The following CRADD variants were observed in gnomAD, a reference collection of about 807,000 sequenced individuals.
CRADD encodes the protein death domain-containing protein CRADD.
Under a neutral mutation model 15.5 loss-of-function variants are expected in CRADD, and 9 were observed. The observed-to-expected ratio is 0.58, with a 90% CI of 0.35 to 1.01. The LOEUF (loss-of-function observed/expected upper bound fraction) is 1.01. CRADD is among the 50% of genes least tolerant of loss of function. The pLI is 0.02. For missense variants in CRADD, 227 were observed against 250.3 expected, an observed-to-expected ratio of 0.91 and a Z score of 0.63; for synonymous variants, 118 against 107.6, an observed-to-expected ratio of 1.10 and a Z score of -0.60.
At chr12:93,787,781 C>T (rs564204417) in intron 2 of CRADD, among the ~76,000 whole-genome samples, 1 of 152,258 alleles carries the variant, frequency 6.6e-6, no homozygotes, top group East Asian at 1.9e-4. Flanking sequence ...GTAGTGTGGC[C>T]TATTGACCTC....
At chr12:93,685,028 A>G (rs1199384639) in intron 2 of CRADD, among the ~76,000 whole-genome samples, 21 of 152,218 alleles carry the variant, frequency 1.4e-4, no homozygotes, top group Non-Finnish European at 1.5e-5. Context: ...ATTAAGTAAT[A>G]TTGAATTACA....
At chr12:93,869,016 A>G (rs1958395544) in intron 2 of CRADD, among the ~76,000 whole-genome samples, 1 of 152,236 alleles carries the variant, frequency 6.6e-6, no homozygotes. Context: ...AGAAAACATC[A>G]GCTGGAAGGC....
At chr12:93,856,184 TATAGAA>T (rs1958273528) in intron 2 of CRADD, among the ~76,000 whole-genome samples, 1 of 152,214 alleles carries the variant, frequency 6.6e-6, no homozygotes, top group Non-Finnish European at 1.5e-5. Flanking sequence ...ATGTTTGTGG[TATAGAA>T]ATAGAAACTG....
At chr12:93,796,421 A>G (rs1034548357) in intron 2 of CRADD, among the ~76,000 whole-genome samples, 14 of 152,076 alleles carry the variant, frequency 9.2e-5, no homozygotes, top group African/African-American at 3.4e-4. Flanking sequence ...CCTGGGCAAC[A>G]TGGTGAAACC....
chr12:93,771,933 A>C lies in CRADD; in HGVS notation c.299-78037A>C, dbSNP rs73363119. Among the ~76,000 whole-genome samples the C allele has an allele frequency of 1.9e-3, 297 of 152,366 alleles. 1 individual carries two copies. The highest frequency in any genetic ancestry group is 6.1e-3 in the African/African-American group (255 of 41,588). ...GATCATATATGAAAAGCAATAGTGC[A>C]AACAGTGAAAGTTATACCATAGAAA... On this transcript the variant is annotated intron_variant, in intron 2 of 2. Transcript: ENST00000332896.
chr12:93,853,203 TG>T (rs1190211184), downstream of CRADD, among the ~76,000 whole-genome samples: 2 of 152,216 alleles, frequency 1.3e-5, no homozygotes, highest in Admixed American at 1.3e-4. Flanking sequence ...GTAATTAAAA[TG>T]ATGCATCTTT....
chr12:93,697,624 G>A (rs1362978150), intron 2 of CRADD, among the ~76,000 whole-genome samples: 1 of 152,142 alleles, frequency 6.6e-6, no homozygotes, highest in Non-Finnish European at 1.5e-5. Flanking sequence ...TTAAAAAAGA[G>A]ATAGCCAGTG....
chr12:93,847,233 A>C (rs1958135631), intron 2 of CRADD, among the ~76,000 whole-genome samples: 1 of 152,206 alleles, frequency 6.6e-6, no homozygotes, highest in Admixed American at 6.5e-5. Flanking sequence ...TGGATGACTA[A>C]GTTGGTATCA....
chr12:93,850,882 C>T (rs1047912460), downstream of CRADD: 2 of 328,100 alleles, frequency 6.1e-6, no homozygotes, highest in Non-Finnish European at 8.7e-6. This position sits in a 1 kb window ranked among gnomAD's most constrained non-coding sequence, Gnocchi z 4.0. Context: ...TGGTTACTTT[C>T]CCAAGTCAGG....
rs535762798 is a variant in CRADD at position 93,807,267 on chromosome 12, T to C, written c.299-42703T>C. Among the ~76,000 whole-genome samples, 11 of 152,236 alleles carry C rather than the reference T, an allele frequency of 7.2e-5. No individual in the cohort carries two copies. The South Asian group carries it at 2.3e-3, about 32-fold the overall frequency. On this transcript the variant is annotated intron_variant, in intron 2 of 2. Transcript: ENST00000332896. ...ATTTGAAGACTGCTGGAATAGATCATGGACTCAATAAATACCTTTTCATAG... is the reference window on the plus strand; with the variant it reads ...ATTTGAAGACTGCTGGAATAGATCACGGACTCAATAAATACCTTTTCATAG...
At chr12:93,860,383 A>G (rs10859604) in intron 2 of CRADD, among the ~76,000 whole-genome samples, 9,590 of 152,312 alleles carry the variant, frequency 0.063, 381 homozygotes, top group Middle Eastern at 0.14. Flanking sequence ...TAGCTTATAG[A>G]AATTCATTCA....
chr12:93,817,670 A>G (rs1472708466), intron 2 of CRADD, among the ~76,000 whole-genome samples: 2 of 148,294 alleles, frequency 1.3e-5, no homozygotes, highest in Non-Finnish European at 3.0e-5. Flanking sequence ...GGAGCACCTC[A>G]TCATAAAGCA....
chr12:93,835,266 T>C (rs956841904), intron 2 of CRADD, among the ~76,000 whole-genome samples: 1 of 152,222 alleles, frequency 6.6e-6, no homozygotes, highest in African/African-American at 2.4e-5. Flanking sequence ...CCCCTTAGAA[T>C]TTTGGAGGAA....
chr12:93,793,348 A>T (rs1384853277), intron 2 of CRADD, among the ~76,000 whole-genome samples: 1 of 152,208 alleles, frequency 6.6e-6, no homozygotes, highest in Non-Finnish European at 1.5e-5. Context: ...AAAGCTAGAA[A>T]ACAAAAGGTG....
At chr12:93,854,944 A>G (rs1479198296), downstream of CRADD, among the ~76,000 whole-genome samples, 6 of 152,238 alleles carry the variant, frequency 3.9e-5, no homozygotes, top group Admixed American at 3.9e-4. Flanking sequence ...CTATAATCCC[A>G]GCGCTTTGGG....
At chr12:93,881,369 ATAG>A (rs1958499351) in intron 2 of CRADD, among the ~76,000 whole-genome samples, 1 of 145,352 alleles carries the variant, frequency 6.9e-6, no homozygotes, top group Non-Finnish European at 1.5e-5. Flanking sequence ...ACTGTGGCTA[ATAG>A]ATATGTCACA....
intron 2 of CRADD, among the ~76,000 whole-genome samples, chr12:93,884,928 G>A (rs1412157149): frequency 2.0e-5 from 3 of 152,152 alleles, no homozygotes; most frequent in African/African-American, 7.2e-5. Flanking sequence ...CCTAAGGAGG[G>A]CATCTCTGTC....
In CRADD at chr12:93,732,059, G is replaced by A. The variant is rs538634853; in HGVS notation, c.298+52987G>A. 2.7e-4 allele frequency among the ~76,000 whole-genome samples: 41 copies of A among 151,706 alleles called. 1 individual carries two copies. Among genetic ancestry groups the A allele is most frequent in the African/African-American group, 8.2e-4 (34 of 41,340 alleles). On this transcript the variant is annotated intron_variant, in intron 2 of 2. Coordinates refer to ENST00000332896, the MANE Select transcript of CRADD (RefSeq NM_003805.5). ...GCTGAGGCAGGAGAATCGCTTGAAC[G>A]CAGGAGGTGGAGGTTGCGGTGAGCC...
At chr12:93,721,778 A>G (rs1321727960) in intron 2 of CRADD, among the ~76,000 whole-genome samples, 1 of 152,218 alleles carries the variant, frequency 6.6e-6, no homozygotes, top group Non-Finnish European at 1.5e-5. Flanking sequence ...GGGGCCCTGA[A>G]GCCAATCTCC....
Sources: gnomAD v4.1 joint callset for allele counts (sites outside exome capture counted in the v4.1 genomes callset) on GRCh38, gnomAD v4.1.1 for gene constraint, Gnocchi (gnomAD v3.1) non-coding constraint, MANE v1.5 for transcripts, NCBI Gene and HGNC (gene_info 2026-07-23, HGNC 2026-07-21) for gene names.